The following PCCA variants were observed in gnomAD, a reference collection of about 807,000 sequenced individuals.
The protein encoded by PCCA is propionyl-CoA carboxylase alpha chain, mitochondrial.
In PCCA, 74 loss-of-function variants were observed where a neutral mutation model predicts 101.3. The observed-to-expected ratio is 0.73, with a 90% CI of 0.61 to 0.89. The LOEUF is 0.89. Ranked by LOEUF, PCCA falls within the 40% of genes least tolerant of loss-of-function variation. The pLI is 0.00. For synonymous variants in PCCA, 294 were observed against 313.6 expected, an observed-to-expected ratio of 0.94 and a Z score of 0.66; for missense variants, 891 against 907.0, an observed-to-expected ratio of 0.98 and a Z score of 0.23.
At chr13:100,103,383 C>T (rs1418622426) in intron 2 of PCCA, among the ~76,000 whole-genome samples, 2 of 150,656 alleles carry the variant, frequency 1.3e-5, no homozygotes, top group Admixed American at 6.6e-5. Flanking sequence ...GTGATCTAGG[C>T]TCACTGCAAC....
intron 23 of PCCA, 92 bp from the exon 24 acceptor site, chr13:100,530,006 G>C: frequency 1.0e-6 from 1 of 969,048 alleles, no homozygotes; most frequent in South Asian, 1.3e-5. Flanking sequence ...GCAGGACTGT[G>C]CATTTTTAGA....
chr13:100,451,365 C>A (rs563552564), intron 21 of PCCA, among the ~76,000 whole-genome samples: 4 of 152,288 alleles, frequency 2.6e-5, no homozygotes, highest in African/African-American at 7.2e-5. Context: ...ATAGATAATT[C>A]TTCCAGAAAA....
intron 6 of PCCA, among the ~76,000 whole-genome samples, chr13:100,204,375 T>C (rs1280788252): frequency 2.6e-5 from 4 of 152,192 alleles, no homozygotes; most frequent in Non-Finnish European, 5.9e-5. Flanking sequence ...CCTGAGCTCG[T>C]GCAGCTCACC....
chr13:100,444,080 A>G (rs1367202994), intron 20 of PCCA, among the ~76,000 whole-genome samples: 2 of 151,932 alleles, frequency 1.3e-5, no homozygotes, highest in East Asian at 3.9e-4. Context: ...CTTTCTTGCC[A>G]CTTCCACCTT....
chr13:100,417,941 A>G (rs918751535), intron 19 of PCCA, among the ~76,000 whole-genome samples: 2 of 151,828 alleles, frequency 1.3e-5, no homozygotes, highest in African/African-American at 4.8e-5. Flanking sequence ...AAATCACATC[A>G]TCAGTCTTCA....
intron 11 of PCCA, among the ~76,000 whole-genome samples, chr13:100,272,647 C>T (rs917197446): frequency 2.0e-5 from 3 of 152,094 alleles, no homozygotes; most frequent in African/African-American, 7.2e-5. Flanking sequence ...AGCATTGAAA[C>T]GAGAAGGGAG....
At chr13:100,513,810 C>A (rs1304163561) in intron 21 of PCCA, among the ~76,000 whole-genome samples, 1 of 152,174 alleles carries the variant, frequency 6.6e-6, no homozygotes, top group Non-Finnish European at 1.5e-5. Flanking sequence ...ACACAGAAGG[C>A]GCAGCTCAGG....
intron 6 of PCCA, among the ~76,000 whole-genome samples, chr13:100,207,317 C>T (rs1423915310): frequency 6.6e-6 from 1 of 152,108 alleles, no homozygotes; most frequent in Admixed American, 6.5e-5. Flanking sequence ...AAGCATACCT[C>T]TTGAATTTAA....
In PCCA at chr13:100,324,754, A is replaced by G. The variant is rs1011071533; in HGVS notation, c.1430-5807A>G. On this transcript the variant is annotated intron_variant, in intron 16 of 23. Transcript: ENST00000376285. ...AGTTTCATAGCCACCTACTGTTGCT[A>G]TTGCAGTGAGTTCAAGTGTTGCGAG... Among the ~76,000 whole-genome samples the G allele has an allele frequency of 9.2e-5, 14 of 152,286 alleles. No individual in the cohort carries two copies. In the East Asian group the frequency reaches 1.2e-3, roughly 13 times the overall value.
At chr13:100,391,829 AATAC>A (rs2076815252) in intron 19 of PCCA, among the ~76,000 whole-genome samples, 5 of 152,160 alleles carry the variant, frequency 3.3e-5, no homozygotes, top group Non-Finnish European at 2.9e-5. Flanking sequence ...TTCATAAATA[AATAC>A]ATTAACATCA....
chr13:100,421,716 G>C (rs948264392), intron 19 of PCCA, among the ~76,000 whole-genome samples: 1 of 151,534 alleles, frequency 6.6e-6, no homozygotes, highest in South Asian at 2.1e-4. Context: ...ATGGAGTCCC[G>C]CTCTGTCGTG....
At position 100,449,882 on chromosome 13, in the gene PCCA, T is replaced by C. The variant is rs143441587; in HGVS notation, c.1899+577T>C. ...AGTCATAAATAGTTTTATGGCTTAT[T>C]ATACATGTTGCCCATTATTTTATGT... is the stretch of plus-strand genomic sequence containing the variant. On this transcript the variant is annotated intron_variant, in intron 21 of 23. Transcript: ENST00000376285. Among the ~76,000 whole-genome samples, 24 of 152,362 alleles carry C rather than the reference T, an allele frequency of 1.6e-4. 1 individual carries two copies. In the East Asian group the frequency reaches 4.2e-3, roughly 27 times the overall value.
chr13:100,179,316 C>T (rs1484415114), intron 6 of PCCA, among the ~76,000 whole-genome samples: 1 of 151,902 alleles, frequency 6.6e-6, no homozygotes, highest in Non-Finnish European at 1.5e-5. Context: ...TTCATGCCAC[C>T]CTTCATGCCT....
intron 8 of PCCA, among the ~76,000 whole-genome samples, chr13:100,252,445 C>G (rs2061815756): frequency 1.3e-5 from 2 of 151,848 alleles, no homozygotes; most frequent in Non-Finnish European, 2.9e-5. Context: ...TTTTCCTTTC[C>G]CATTAGTATA....
In PCCA at chr13:100,530,095, A is replaced by G; in HGVS notation, c.2119-3A>G. ...CCTCCCCCTGCATTTTTCAAAATTC[A>G]AGGTGAAATCTGTGCACTGTCAAGC... On this transcript the variant is annotated splice_polypyrimidine_tract_variant and splice_region_variant and intron_variant, in intron 23 of 23. Transcript: ENST00000376285. The G allele has an allele frequency of 6.2e-7, 1 of 1,613,352 alleles. No homozygotes were observed. The highest frequency in any genetic ancestry group is 8.5e-7 in the Non-Finnish European group (1 of 1,179,270).
rs571593091 is a variant in PCCA at position 100,130,164 on chromosome 13, T to G, written c.300+18103T>G. On this transcript the variant is annotated intron_variant, in intron 4 of 23. Coordinates refer to ENST00000376285, the MANE Select transcript of PCCA (RefSeq NM_000282.4). ...CAATTTATCCAAGTTACCCACTTGATACCTGACTTGCCCTACTTAGCAAGT... is the reference window on the plus strand; with the variant it reads ...CAATTTATCCAAGTTACCCACTTGAGACCTGACTTGCCCTACTTAGCAAGT... Among the ~76,000 whole-genome samples the G allele has an allele frequency of 9.9e-4, 151 of 152,218 alleles. 1 individual carries two copies. The highest frequency in any genetic ancestry group is 2.0e-3 in the Non-Finnish European group (134 of 68,018).
At chr13:100,099,031 A>C (rs2047026448) in intron 1 of PCCA, among the ~76,000 whole-genome samples, 1 of 152,132 alleles carries the variant, frequency 6.6e-6, no homozygotes, top group South Asian at 2.1e-4. Context: ...GAAGTAAACT[A>C]ATGTTTACTT....
At chr13:100,385,632 AT>A (rs201651339) in intron 19 of PCCA, among the ~76,000 whole-genome samples, 2 of 151,888 alleles carry the variant, frequency 1.3e-5, no homozygotes, top group East Asian at 1.9e-4. Flanking sequence ...TTATTTATTT[AT>A]TTTTTTTGAG....
intron 19 of PCCA, among the ~76,000 whole-genome samples, chr13:100,404,728 G>T (rs1371892595): frequency 1.3e-5 from 2 of 152,148 alleles, no homozygotes; most frequent in Non-Finnish European, 2.9e-5. Flanking sequence ...CGGTGAAGCA[G>T]GGGGCCTAGG....
Sources: gnomAD v4.1 joint callset for allele counts (sites outside exome capture counted in the v4.1 genomes callset) on GRCh38, gnomAD v4.1.1 for gene constraint, MANE v1.5 for transcripts, NCBI Gene and HGNC (gene_info 2026-07-23, HGNC 2026-07-21) for gene names.